Variants in ADAM22 observed in about 807,000 individuals in gnomAD.
ADAM22 encodes ADAM metallopeptidase domain 22.
In ADAM22, 65 loss-of-function variants were observed where a neutral mutation model predicts 144.6. The ratio of observed to expected loss-of-function variants is 0.45; its 90% CI spans 0.37 to 0.55. The LOEUF (loss-of-function observed/expected upper bound fraction) is 0.55, where lower values mean the gene tolerates loss of function less well. Among genes scored for constraint, ADAM22 ranks in the 20% least tolerant of loss-of-function variants. The pLI is 0.00. For synonymous variants in ADAM22, 391 were observed against 412.6 expected, an observed-to-expected ratio of 0.95 and a Z score of 0.63; for missense variants, 974 against 1,184.9, an observed-to-expected ratio of 0.82 and a Z score of 2.61.
intron 4 of ADAM22, among the ~76,000 whole-genome samples, chr7:88,105,666 G>T: frequency 6.6e-6 from 1 of 152,190 alleles, no homozygotes; most frequent in East Asian, 1.9e-4. Flanking sequence ...ACAGGTTCGA[G>T]GTTCAACATT....
At chr7:88,135,481 T>A (rs145804071) in intron 13 of ADAM22, among the ~76,000 whole-genome samples, 3 of 152,150 alleles carry the variant, frequency 2.0e-5, no homozygotes, top group African/African-American at 7.2e-5. Context: ...TACACATATA[T>A]CAAATGGCAA....
intron 3 of ADAM22, among the ~76,000 whole-genome samples, chr7:88,011,899 AATTCTTG>A (rs1175992518): frequency 2.4e-4 from 37 of 152,066 alleles, no homozygotes; most frequent in African/African-American, 7.0e-4. Flanking sequence ...AACTTTGGAA[AATTCTTG>A]ACTGTTATGA....
chr7:88,190,337 C>G (rs184375446), intron 30 of ADAM22, among the ~76,000 whole-genome samples: 1 of 152,168 alleles, frequency 6.6e-6, no homozygotes, highest in East Asian at 1.9e-4. Flanking sequence ...GAGTTTGAGA[C>G]CAGCCTGGCC....
At chr7:88,043,201 G>A (rs1054392581) in intron 3 of ADAM22, among the ~76,000 whole-genome samples, 14 of 151,804 alleles carry the variant, frequency 9.2e-5, no homozygotes, top group African/African-American at 2.9e-4. Context: ...GTATATATTA[G>A]TACAGATAAA....
At chr7:88,180,763 A>G (rs1846807511) in intron 27 of ADAM22, among the ~76,000 whole-genome samples, 1 of 152,112 alleles carries the variant, frequency 6.6e-6, no homozygotes, top group Admixed American at 6.6e-5. Flanking sequence ...TCTCTGAAGT[A>G]TATGTAGCTT....
intron 4 of ADAM22, among the ~76,000 whole-genome samples, chr7:88,078,249 G>T (rs1222155134): frequency 1.3e-5 from 2 of 152,220 alleles, no homozygotes; most frequent in African/African-American, 2.4e-5. Flanking sequence ...AGGGTCTGGA[G>T]TGGACCTCCA....
At chr7:87,989,378 T>C (rs889461340) in intron 3 of ADAM22, among the ~76,000 whole-genome samples, 1 of 152,132 alleles carries the variant, frequency 6.6e-6, no homozygotes, top group African/African-American at 2.4e-5. Flanking sequence ...TCAGGCTATA[T>C]TATTGTATAT....
chr7:88,113,919 A>G (rs1199241997), intron 5 of ADAM22, among the ~76,000 whole-genome samples: 1 of 151,216 alleles, frequency 6.6e-6, no homozygotes, highest in Non-Finnish European at 1.5e-5. Context: ...TCGTGGTCCC[A>G]TCTGTCTGGG....
intron 14 of ADAM22, among the ~76,000 whole-genome samples, chr7:88,138,233 T>C (rs1244157699): frequency 2.0e-5 from 3 of 152,216 alleles, no homozygotes; most frequent in Non-Finnish European, 4.4e-5. Flanking sequence ...ATAAAAGTTC[T>C]ATAGTTGCAG....
At chr7:88,073,254 C>T (rs1745514304) in intron 3 of ADAM22, among the ~76,000 whole-genome samples, 1 of 152,104 alleles carries the variant, frequency 6.6e-6, no homozygotes, top group Non-Finnish European at 1.5e-5. Flanking sequence ...GGCTTGTTCA[C>T]TTTTAAAAAT....
At chr7:88,116,676 CTA>C in intron 6 of ADAM22, 67 bp from the exon 7 acceptor site, 1 of 1,313,904 alleles carries the variant, frequency 7.6e-7, no homozygotes, top group South Asian at 1.2e-5. Context: ...GGGTCTCCAG[CTA>C]TGTTTGCCTA....
chr7:87,958,088 T>G (rs781655760), intron 2 of ADAM22, among the ~76,000 whole-genome samples: 28 of 152,212 alleles, frequency 1.8e-4, no homozygotes, highest in Non-Finnish European at 3.8e-4. Flanking sequence ...AAACATCATT[T>G]ATTCATTTTC....
At chr7:87,999,746 TA>T (rs1289981146) in intron 3 of ADAM22, among the ~76,000 whole-genome samples, 1 of 152,206 alleles carries the variant, frequency 6.6e-6, no homozygotes, top group Admixed American at 6.5e-5. Flanking sequence ...CAGGATCTTT[TA>T]AAAAATTATT....
intron 12 of ADAM22, 151 bp from the exon 13 acceptor site, chr7:88,134,178 A>G (rs1832480368): frequency 6.1e-6 from 3 of 491,332 alleles, no homozygotes; most frequent in Non-Finnish European, 1.0e-5. Context: ...TCCCAAATGC[A>G]TATTCAGTGC....
chr7:88,092,360 TAACA>T (rs1165506180), intron 4 of ADAM22, among the ~76,000 whole-genome samples: 1 of 152,194 alleles, frequency 6.6e-6, no homozygotes, highest in African/African-American at 2.4e-5. Context: ...CATACAAATC[TAACA>T]AACAAACTGA....
intron 3 of ADAM22, among the ~76,000 whole-genome samples, chr7:88,015,234 A>G (rs1264654520): frequency 8.5e-5 from 13 of 152,212 alleles, no homozygotes; most frequent in Non-Finnish European, 1.3e-4. Context: ...AACCCTAATA[A>G]GTGTTATCTG....
intron 2 of ADAM22, among the ~76,000 whole-genome samples, chr7:87,970,251 A>G (rs1287158952): frequency 6.6e-6 from 1 of 152,088 alleles, no homozygotes; most frequent in Non-Finnish European, 1.5e-5. Flanking sequence ...CCATATATAT[A>G]TATATGTATT....
chr7:88,143,527 T>A (rs781548722), intron 15 of ADAM22, among the ~76,000 whole-genome samples: 2 of 152,206 alleles, frequency 1.3e-5, no homozygotes, highest in Non-Finnish European at 2.9e-5. Flanking sequence ...TCCCTATCAC[T>A]GCCTTTCTGA....
In ADAM22 at chr7:88,196,514, C is replaced by T. The variant is rs779463913; in HGVS notation, c.*23C>T. On this transcript the variant is annotated 3_prime_UTR_variant, in exon 32 of 32. Coordinates refer to ENST00000413139, the MANE Select transcript of ADAM22 (RefSeq NM_001324418.2). ...TAAGATCAACTGTTTACATGTGATA[C>T]ATCGAAAACTGTTTACTTCAACTTT... The T allele has an allele frequency of 1.7e-5, 28 of 1,613,368 alleles. No individual in the cohort carries two copies. The highest frequency in any genetic ancestry group is 2.2e-5 in the Non-Finnish European group (26 of 1,179,566).
Sources: allele counts gnomAD v4.1 joint callset (sites outside exome capture counted in the v4.1 genomes callset), GRCh38; gene constraint gnomAD v4.1.1; transcripts MANE v1.5; gene names NCBI Gene and HGNC (gene_info 2026-07-23, HGNC 2026-07-21).